NBL1: variants seen among roughly 807,000 people sequenced by gnomAD.
NBL1 encodes the protein neuroblastoma suppressor of tumorigenicity 1.
NBL1 carries 9 observed loss-of-function variants against 16.0 expected under a neutral mutation model. The ratio of observed to expected loss-of-function variants is 0.56; its 90% confidence interval spans 0.34 to 0.98. The LOEUF is 0.98. NBL1 is among the 50% of genes least tolerant of loss of function. NBL1 has a pLI of 0.02. For missense variants in NBL1, 196 were observed against 243.1 expected, an observed-to-expected ratio of 0.81 and a Z score of 1.29; for synonymous variants, 86 against 100.7, an observed-to-expected ratio of 0.85 and a Z score of 0.87.
intron 1 of NBL1, among the ~76,000 whole-genome samples, chr1:19,647,882 T>TGTGTGTGC (rs1273943458): frequency 7.3e-6 from 1 of 137,082 alleles, no homozygotes; most frequent in Non-Finnish European, 1.6e-5. Context: ...TGTGTGTGTG[T>TGTGTGTGC]GCGTGTGCGC....
upstream of NBL1, chr1:19,644,048 C>G: frequency 1.0e-6 from 1 of 979,538 alleles, no homozygotes; most frequent in Non-Finnish European, 1.2e-6. This position sits in a 1 kb window ranked among gnomAD's most constrained non-coding sequence, Gnocchi z 4.6. Flanking sequence ...CCCTGCCTCT[C>G]GGGCGCCGGC....
At position 19,644,399 on chromosome 1, in the gene NBL1, G is replaced by A; in HGVS notation, c.-67G>A. 1 of 978,812 alleles carries A rather than the reference G, an allele frequency of 1.0e-6. No homozygotes were observed. Among genetic ancestry groups the A allele is most frequent in the Non-Finnish European group, 1.2e-6 (1 of 827,298 alleles). The allele number at this position is 978,812 out of a possible 1,614,324, so 60.6% of individuals were successfully genotyped here. On this transcript the variant is annotated 5_prime_UTR_variant, in exon 1 of 4. Transcript: ENST00000375136. The surrounding 1 kb of genome is among the most constrained non-coding windows in gnomAD (Gnocchi z 4.6). The stretch of plus-strand genomic sequence containing the variant: ...CTCGCCGAGCCTCCTGGGGCGCCCG[G>A]GCCCGCGACCCCCGCACCCAGCTCC...
chr1:19,649,863 G>A (rs2095012525), intron 1 of NBL1, among the ~76,000 whole-genome samples: 1 of 152,086 alleles, frequency 6.6e-6, no homozygotes, highest in Non-Finnish European at 1.5e-5. Context: ...ATCGTCTTAT[G>A]TTGCCCAGGC....
intron 1 of NBL1, chr1:19,645,240 TG>T: frequency 2.1e-6 from 1 of 481,446 alleles, no homozygotes; most frequent in Non-Finnish European, 2.7e-6. Flanking sequence ...GAATTGAGTC[TG>T]GGGCAGGGAG....
intron 1 of NBL1, among the ~76,000 whole-genome samples, chr1:19,649,424 T>A (rs2095008273): frequency 6.6e-6 from 1 of 152,046 alleles, no homozygotes; most frequent in African/African-American, 2.4e-5. Flanking sequence ...AGTGGTGCAA[T>A]CTTGGCTCAC....
At chr1:19,655,524 A>G in intron 3 of NBL1, 89 bp downstream of exon 3, 3 of 1,447,292 alleles carry the variant, frequency 2.1e-6, no homozygotes, top group South Asian at 1.2e-5. Context: ...ATTCCAGCAG[A>G]TGGCCACAGG....
intron 1 of NBL1, among the ~76,000 whole-genome samples, chr1:19,648,449 C>T (rs1013456356): frequency 3.3e-5 from 5 of 152,160 alleles, no homozygotes; most frequent in African/African-American, 1.2e-4. Context: ...GGCCGGGCCC[C>T]GGCGTCTCAG....
At chr1:19,647,815 C>A (rs11589378) in intron 1 of NBL1, 7 of 325,324 alleles carry the variant, frequency 2.2e-5, no homozygotes, top group Non-Finnish European at 3.1e-5. Context: ...GGCTCTGCAC[C>A]GAGTGGTTGC....
In NBL1 at chr1:19,645,897, G is replaced by C. The variant is rs1380709063; in HGVS notation, c.-20+1451G>C. The C allele has an allele frequency of 1.5e-5, 23 of 1,546,226 alleles. 1 individual carries two copies. The highest frequency in any genetic ancestry group is 1.7e-6 in the Non-Finnish European group (2 of 1,144,596). ...CCCACAACCTCAAGGGTCGGAGGCT[G>C]CCGGAGCGGGCAGGGTTGTTGGTGA... On this transcript the variant is annotated intron_variant, in intron 1 of 3. Transcript: ENST00000375136.
At chr1:19,653,595 A>G (rs910545777) in intron 1 of NBL1, among the ~76,000 whole-genome samples, 4 of 152,230 alleles carry the variant, frequency 2.6e-5, no homozygotes, top group African/African-American at 4.8e-5. Context: ...ATCAAATTTC[A>G]GGTTTGGGAA....
intron 1 of NBL1, among the ~76,000 whole-genome samples, chr1:19,648,716 A>G (rs3790743): frequency 0.68 from 99,613 of 147,270 alleles, 33,899 homozygotes; most frequent in African/African-American, 0.83. Flanking sequence ...GCAGCTCAGA[A>G]TGTACCAGGC....
At position 19,644,398 on chromosome 1, in the gene NBL1, G is replaced by C; in HGVS notation, c.-68G>C. ...CCTCGCCGAGCCTCCTGGGGCGCCC[G>C]GGCCCGCGACCCCCGCACCCAGCTC... is the stretch of plus-strand genomic sequence containing the variant. On this transcript the variant is annotated 5_prime_UTR_variant, in exon 1 of 4. Transcript: ENST00000375136. The surrounding 1 kb of genome is among the most constrained non-coding windows in gnomAD (Gnocchi z 4.6). 4.1e-6 allele frequency: 4 copies of C among 978,836 alleles called. No individual in the cohort carries two copies. Among genetic ancestry groups the C allele is most frequent in the Non-Finnish European group, 4.8e-6 (4 of 827,342 alleles). 60.6% of individuals were successfully genotyped at this position (978,836 alleles called of 1,614,324 possible).
At chr1:19,650,010 T>C (rs1295932965) in intron 1 of NBL1, among the ~76,000 whole-genome samples, 3 of 152,160 alleles carry the variant, frequency 2.0e-5, no homozygotes, top group Admixed American at 6.5e-5. Flanking sequence ...AGTCTCGCTT[T>C]GTCGCCCAGG....
rs2094967068 is a variant in NBL1, at chr1:19,644,675, C to T, written c.-20+229C>T. On this transcript the variant is annotated intron_variant, in intron 1 of 3. Coordinates refer to ENST00000375136, the MANE Select transcript of NBL1 (RefSeq NM_005380.8). The surrounding 1 kb of genome is among the most constrained non-coding windows in gnomAD (Gnocchi z 4.6). The stretch of plus-strand genomic sequence containing the variant: ...GGCACGGGGTGGCCGGGGGGCACCG[C>T]CGCGTCCGGAGCCCGTCCCCAGACT... 6.6e-6 allele frequency among the ~76,000 whole-genome samples: 1 copy of T among 151,768 alleles called. No homozygotes were observed. Among genetic ancestry groups the T allele is most frequent in the Non-Finnish European group, 1.5e-5 (1 of 67,870 alleles).
intron 1 of NBL1, chr1:19,645,854 T>G (rs973806754): frequency 2.0e-6 from 3 of 1,513,956 alleles, no homozygotes; most frequent in Admixed American, 2.1e-5. Context: ...TCAGGCTGAG[T>G]TTAGCTGCTT....
intron 3 of NBL1, among the ~76,000 whole-genome samples, chr1:19,655,714 T>C (rs976074288): frequency 1.3e-5 from 2 of 152,208 alleles, no homozygotes; most frequent in African/African-American, 2.4e-5. Flanking sequence ...CCTGTTGTTA[T>C]AGGATGAGAC....
At chr1:19,643,329 G>A (rs552896981), upstream of NBL1, 1 of 1,614,020 alleles carries the variant, frequency 6.2e-7, no homozygotes, top group Non-Finnish European at 8.5e-7. This position sits in a 1 kb window ranked among gnomAD's most constrained non-coding sequence, Gnocchi z 4.7. Flanking sequence ...GCAACCTCAT[G>A]AGTCAGACAA....
At chr1:19,656,610 T>C (rs906751937) in intron 3 of NBL1, among the ~76,000 whole-genome samples, 2 of 151,432 alleles carry the variant, frequency 1.3e-5, no homozygotes, top group African/African-American at 4.9e-5. Flanking sequence ...TGGGGGCGAT[T>C]TTAGCAGGGG....
At chr1:19,652,913 G>T (rs1029515492) in intron 1 of NBL1, among the ~76,000 whole-genome samples, 1 of 151,810 alleles carries the variant, frequency 6.6e-6, no homozygotes, top group Non-Finnish European at 1.5e-5. Context: ...ACTTGAACCC[G>T]GGAGGCGGAG....
Sources: gnomAD v4.1 joint callset for allele counts (sites outside exome capture counted in the v4.1 genomes callset) on GRCh38, gnomAD v4.1.1 for gene constraint, Gnocchi (gnomAD v3.1) non-coding constraint, MANE v1.5 for transcripts, NCBI Gene and HGNC (gene_info 2026-07-23, HGNC 2026-07-21) for gene names.